DEUP1: variants seen among roughly 807,000 people sequenced by gnomAD.
DEUP1 encodes the protein coiled-coil domain containing 67.
In DEUP1, 82 loss-of-function variants were observed where a neutral mutation model predicts 87.4. The ratio of observed to expected loss-of-function variants is 0.94; its 90% CI spans 0.78 to 1.13. DEUP1 has a LOEUF of 1.13. DEUP1 is among the 50% of genes most tolerant of loss of function. The pLI, the probability that DEUP1 is intolerant of heterozygous loss-of-function variation, is 0.00. For missense variants in DEUP1, 663 were observed against 681.5 expected (o/e 0.97, Z 0.30); for synonymous variants, 214 against 222.7 (o/e 0.96, Z 0.35).
At chr11:93,353,156 A>G (rs895847145) in intron 2 of DEUP1, among the ~76,000 whole-genome samples, 2 of 152,182 alleles carry the variant, frequency 1.3e-5, no homozygotes, top group Admixed American at 1.3e-4. Context: ...TATTGGGTAA[A>G]TGCAGCCATT....
chr11:93,340,153 T>C (rs116617578), intron 2 of DEUP1, among the ~76,000 whole-genome samples: 1,606 of 152,164 alleles, frequency 0.011, 28 homozygotes, highest in African/African-American at 0.037. Flanking sequence ...ATCTATATTA[T>C]GTTGGGGGTG....
At chr11:93,355,576 C>T in intron 3 of DEUP1, 34 bp downstream of exon 3, 1 of 1,563,020 alleles carries the variant, frequency 6.4e-7, no homozygotes, top group Non-Finnish European at 8.7e-7. Context: ...ATTGCTAATT[C>T]ATCAGACTGT....
At chr11:93,413,524 G>A (rs1443398117) in intron 12 of DEUP1, among the ~76,000 whole-genome samples, 1 of 152,200 alleles carries the variant, frequency 6.6e-6, no homozygotes, top group African/African-American at 2.4e-5. Context: ...TTACAGGCGT[G>A]AGCCACTGGG....
intron 13 of DEUP1, among the ~76,000 whole-genome samples, chr11:93,430,127 G>A (rs1041732984): frequency 2.6e-5 from 4 of 152,112 alleles, no homozygotes; most frequent in South Asian, 2.1e-4. Context: ...ACTATACTCC[G>A]CTGATTCTCC....
At chr11:93,385,686 A>T in intron 8 of DEUP1, 143 bp downstream of exon 8, 1 of 536,090 alleles carries the variant, frequency 1.9e-6, no homozygotes, top group Non-Finnish European at 3.0e-6. Context: ...AAATATTAAA[A>T]ATAAAATTTA....
At chr11:93,436,006 A>T in intron 13 of DEUP1, among the ~76,000 whole-genome samples, 1 of 152,024 alleles carries the variant, frequency 6.6e-6, no homozygotes, top group East Asian at 1.9e-4. Flanking sequence ...AAAAAAAAAA[A>T]AAAAAAATTT....
chr11:93,358,322 T>A (rs962444488), intron 4 of DEUP1, among the ~76,000 whole-genome samples: 12 of 152,234 alleles, frequency 7.9e-5, no homozygotes, highest in Non-Finnish European at 1.3e-4. Flanking sequence ...TTTTATTATT[T>A]GGCTGATGGC....
intron 11 of DEUP1, among the ~76,000 whole-genome samples, chr11:93,401,966 T>A (rs12293344): frequency 0.26 from 38,772 of 151,592 alleles, 5,266 homozygotes; most frequent in Middle Eastern, 0.38. Flanking sequence ...TTTGTGTAAG[T>A]TCTCAAAAAT....
chr11:93,399,627 ACT>A (rs1214174716), intron 11 of DEUP1, among the ~76,000 whole-genome samples: 1 of 151,792 alleles, frequency 6.6e-6, no homozygotes, highest in African/African-American at 2.4e-5. Context: ...AATTTTTAGT[ACT>A]GTTATGAATA....
intron 12 of DEUP1, among the ~76,000 whole-genome samples, chr11:93,410,872 G>A (rs539747548): frequency 6.6e-6 from 1 of 152,346 alleles, no homozygotes; most frequent in Non-Finnish European, 1.5e-5. Flanking sequence ...ATGCTCAGCA[G>A]GAGATTATCC....
intron 13 of DEUP1, among the ~76,000 whole-genome samples, chr11:93,432,300 C>G (rs906669317): frequency 2.6e-5 from 4 of 152,106 alleles, no homozygotes; most frequent in African/African-American, 9.7e-5. Context: ...GGATGAGTTT[C>G]TGAAACAGGA....
intron 6 of DEUP1, 103 bp downstream of exon 6, chr11:93,370,289 A>G: frequency 1.8e-6 from 1 of 559,026 alleles, no homozygotes; most frequent in Non-Finnish European, 2.9e-6. Context: ...GCCAACTAAG[A>G]AAAAACGAGA....
chr11:93,378,733 G>A (rs926720232), intron 7 of DEUP1, among the ~76,000 whole-genome samples: 2 of 152,010 alleles, frequency 1.3e-5, no homozygotes, highest in African/African-American at 4.8e-5. Context: ...GGGGCTCAAG[G>A]GCTGTTGTTC....
chr11:93,365,809 A>G (rs188106999), intron 5 of DEUP1, among the ~76,000 whole-genome samples: 43 of 152,346 alleles, frequency 2.8e-4, no homozygotes, highest in Admixed American at 6.5e-4. Context: ...TTTTACTTAT[A>G]GCCATCTGAT....
At chr11:93,403,416 G>C (rs1053915295) in intron 11 of DEUP1, among the ~76,000 whole-genome samples, 1 of 151,686 alleles carries the variant, frequency 6.6e-6, no homozygotes, top group Non-Finnish European at 1.5e-5. Context: ...TACTTTGTAG[G>C]TTATTTCAGT....
At chr11:93,432,922 G>T (rs1239083762) in intron 13 of DEUP1, among the ~76,000 whole-genome samples, 2 of 152,130 alleles carry the variant, frequency 1.3e-5, no homozygotes, top group East Asian at 3.9e-4. Flanking sequence ...GTGGATGCCT[G>T]ACATGAAGGA....
Position 93,355,480 on chromosome 11 carries a change from T to C in DEUP1, c.139T>C (p.Leu47=), listed in dbSNP as rs750514851. The C allele has an allele frequency of 2.5e-6, 4 of 1,613,874 alleles. No individual in the cohort carries two copies. Among genetic ancestry groups the C allele is most frequent in the Non-Finnish European group, 3.4e-6 (4 of 1,179,818 alleles). ...ERKMRALETR[L]DLRDQELANA... ...AAAGATGCGGGCTTTGGAGACACGA[T>C]TAGATCTTCGGGATCAAGAATTGGC... is the stretch of plus-strand genomic sequence containing the variant. Residue 47 remains leucine (L), a synonymous_variant, in exon 3 of 14, where the codon TTA becomes CTA. Coordinates refer to ENST00000298050, the MANE Select transcript of DEUP1 (RefSeq NM_181645.4).
Position 93,437,717 on chromosome 11 carries a change from T to C in DEUP1, c.1813T>C (p.Ter605ArgextTer41), listed in dbSNP as rs200863396. ...CAAGCTAAAACAAAATAGACACATA[T>C]GAGCTTTTAAACTTTTTTATTTGCT... The part of the protein sequence containing the change: ...YSKLKQNRHI[*>R] Residue 605 changes from the stop codon to arginine (R), a stop_lost, in exon 14 of 14, where the codon TGA (stop) becomes CGA (arginine). Transcript: ENST00000298050. 17 of 1,575,576 alleles carry C rather than the reference T, an allele frequency of 1.1e-5. No individual in the cohort carries two copies. The African/African-American group carries it at 1.1e-4, about 10-fold the overall frequency.
chr11:93,419,496 T>G lies in DEUP1; in HGVS notation c.1638+4382T>G, dbSNP rs116436697. On this transcript the variant is annotated intron_variant, in intron 13 of 13. Transcript: ENST00000298050. The stretch of plus-strand genomic sequence containing the variant: ...AGATTAGCATTCAAAGTGGAGTCAC[T>G]TTTGCCTCCCCTGGTGCTGACATTG... Among the ~76,000 whole-genome samples the G allele has an allele frequency of 7.5e-3, 1,145 of 152,196 alleles. 15 individuals carry two copies. The highest frequency in any genetic ancestry group is 0.027 in the African/African-American group (1,104 of 41,518).
Sources: allele counts gnomAD v4.1 joint callset (sites outside exome capture counted in the v4.1 genomes callset), GRCh38; gene constraint gnomAD v4.1.1; transcripts MANE v1.5; gene names NCBI Gene and HGNC (gene_info 2026-07-23, HGNC 2026-07-21).